The following SLIT3 variants were observed in gnomAD, a reference collection of about 807,000 sequenced individuals.
SLIT3 encodes slit homolog 3 protein.
A neutral mutation model predicts 184.0 loss-of-function variants in SLIT3; 68 were observed. The observed-to-expected ratio is 0.37, with a 90% CI of 0.30 to 0.45. The LOEUF (loss-of-function observed/expected upper bound fraction) is 0.45, where lower values mean the gene tolerates loss of function less well. Among genes scored for constraint, SLIT3 ranks in the 20% least tolerant of loss-of-function variants. SLIT3 has a pLI of 1.00. For missense variants in SLIT3, 1,707 were observed against 2,026.0 expected (o/e 0.84, Z 3.02); for synonymous variants, 831 against 828.6 (o/e 1.00, Z -0.05).
intron 2 of SLIT3, among the ~76,000 whole-genome samples, chr5:169,249,359 T>C (rs1277432547): frequency 6.6e-6 from 1 of 152,166 alleles, no homozygotes; most frequent in Non-Finnish European, 1.5e-5. Flanking sequence ...AATGTACCAA[T>C]TAACTGAAAA....
At chr5:169,050,783 A>G (rs1757789681) in intron 4 of SLIT3, among the ~76,000 whole-genome samples, 1 of 152,066 alleles carries the variant, frequency 6.6e-6, no homozygotes, top group Admixed American at 6.6e-5. Flanking sequence ...AAGAATACAC[A>G]TGGAAAGACG....
intron 4 of SLIT3, among the ~76,000 whole-genome samples, chr5:169,122,592 T>C (rs150987978): frequency 5.8e-4 from 89 of 152,296 alleles, no homozygotes; most frequent in African/African-American, 2.1e-3. Flanking sequence ...GGGATACAGA[T>C]TGAAAAGAGG....
chr5:168,934,319 C>T (rs1051745177), intron 4 of SLIT3, among the ~76,000 whole-genome samples: 3 of 152,180 alleles, frequency 2.0e-5, no homozygotes, highest in Non-Finnish European at 4.4e-5. Flanking sequence ...TGGCTTTCCT[C>T]TTTGCTGGTT....
At chr5:168,768,064 T>A in intron 14 of SLIT3, 1 of 378,378 alleles carries the variant, frequency 2.6e-6, no homozygotes, top group Non-Finnish European at 5.4e-6. Context: ...CTGGGAGAGG[T>A]GGGTCTGGCA....
At chr5:168,933,923 T>C (rs1168917248) in intron 4 of SLIT3, among the ~76,000 whole-genome samples, 1 of 147,830 alleles carries the variant, frequency 6.8e-6, no homozygotes. Flanking sequence ...CAAGAAGGAG[T>C]TCATCCTTCA....
chr5:168,867,256 T>C (rs549442639), intron 5 of SLIT3, among the ~76,000 whole-genome samples: 2 of 152,262 alleles, frequency 1.3e-5, no homozygotes, highest in African/African-American at 4.8e-5. Context: ...TAAAAAACAA[T>C]TAGAGAAAAA....
chr5:169,079,649 AG>A (rs1473148822), intron 4 of SLIT3, among the ~76,000 whole-genome samples: 2 of 78,848 alleles, frequency 2.5e-5, no homozygotes, highest in African/African-American at 1.1e-4. Context: ...GAGGAGGAGG[AG>A]GGAAGAGGAG....
At chr5:168,852,285 T>C (rs1470088162) in intron 5 of SLIT3, among the ~76,000 whole-genome samples, 1 of 152,262 alleles carries the variant, frequency 6.6e-6, no homozygotes, top group African/African-American at 2.4e-5. Flanking sequence ...TCTGTTTTTT[T>C]ACTCTGTTTT....
chr5:168,920,959 T>G (rs1761618106), intron 4 of SLIT3, among the ~76,000 whole-genome samples: 1 of 152,198 alleles, frequency 6.6e-6, no homozygotes, highest in African/African-American at 2.4e-5. Context: ...GCTTGCAGCC[T>G]TACTATCATG....
intron 20 of SLIT3, among the ~76,000 whole-genome samples, chr5:168,732,559 G>A (rs756549395): frequency 3.9e-5 from 6 of 152,084 alleles, no homozygotes; most frequent in Non-Finnish European, 5.9e-5. Flanking sequence ...CATATTACCT[G>A]ACTTCAAATT....
chr5:169,053,010 A>G (rs780465232), intron 4 of SLIT3, among the ~76,000 whole-genome samples: 4 of 152,236 alleles, frequency 2.6e-5, no homozygotes, highest in Non-Finnish European at 5.9e-5. Flanking sequence ...AGGTTGAGCT[A>G]TCGGCACCGG....
intron 4 of SLIT3, among the ~76,000 whole-genome samples, chr5:168,904,859 C>A (rs1760993156): frequency 6.6e-6 from 1 of 152,098 alleles, no homozygotes; most frequent in Non-Finnish European, 1.5e-5. Context: ...AAACTCACAG[C>A]CTTCTTTACA....
intron 5 of SLIT3, among the ~76,000 whole-genome samples, chr5:168,876,093 G>T (rs565272611): frequency 1.3e-5 from 2 of 152,068 alleles, no homozygotes; most frequent in African/African-American, 4.8e-5. Context: ...CGTCAGAGCC[G>T]GCTTGCACTG....
chr5:169,076,355 G>C (rs1195085771), intron 4 of SLIT3, among the ~76,000 whole-genome samples: 1 of 152,166 alleles, frequency 6.6e-6, no homozygotes, highest in Admixed American at 6.5e-5. Flanking sequence ...CTATGTAATG[G>C]GCATTCAGTA....
intron 27 of SLIT3, among the ~76,000 whole-genome samples, chr5:168,697,823 G>A (rs1448805535): frequency 6.6e-6 from 1 of 152,246 alleles, no homozygotes; most frequent in Non-Finnish European, 1.5e-5. Context: ...GAGCCAGACA[G>A]AGGGTAGGTT....
intron 4 of SLIT3, among the ~76,000 whole-genome samples, chr5:169,152,617 A>T (rs767448795): frequency 1.3e-5 from 2 of 152,078 alleles, no homozygotes; most frequent in Non-Finnish European, 1.5e-5. Context: ...TCTACTCTAG[A>T]GCTGTGTGGG....
intron 20 of SLIT3, among the ~76,000 whole-genome samples, chr5:168,747,997 T>C (rs1311841355): frequency 6.6e-6 from 1 of 151,908 alleles, no homozygotes; most frequent in Non-Finnish European, 1.5e-5. Context: ...GTTTCAGGGG[T>C]GATACGGAAA....
chr5:168,878,872 A>C (rs1581170395), intron 5 of SLIT3, among the ~76,000 whole-genome samples: 1 of 151,772 alleles, frequency 6.6e-6, no homozygotes, highest in Non-Finnish European at 1.5e-5. Flanking sequence ...CTGCCACCAC[A>C]CCCAGCTAAT....
At chr5:169,283,773 G>A (rs981162289) in intron 1 of SLIT3, among the ~76,000 whole-genome samples, 4 of 152,150 alleles carry the variant, frequency 2.6e-5, no homozygotes, top group African/African-American at 4.8e-5. Flanking sequence ...ATATGCCACC[G>A]GAGAAGTGGC....
Sources: gnomAD v4.1 joint callset for allele counts (sites outside exome capture counted in the v4.1 genomes callset) on GRCh38, gnomAD v4.1.1 for gene constraint, MANE v1.5 for transcripts, NCBI Gene and HGNC (gene_info 2026-07-23, HGNC 2026-07-21) for gene names.